The following PCDH9 variants were observed in gnomAD, a reference collection of about 807,000 sequenced individuals.
The protein encoded by PCDH9 is protocadherin-9.
PCDH9 carries 24 observed loss-of-function variants against 70.6 expected under a neutral mutation model. The observed-to-expected ratio is 0.34, with a 90% confidence interval of 0.25 to 0.48. The LOEUF (loss-of-function observed/expected upper bound fraction) is 0.48, where lower values mean the gene tolerates loss of function less well. Among genes scored for constraint, PCDH9 ranks in the 20% least tolerant of loss-of-function variants. The pLI, the probability that PCDH9 is intolerant of heterozygous loss-of-function variation, is 0.99. For missense variants in PCDH9, 1,281 were observed against 1,503.6 expected, an observed-to-expected ratio of 0.85 and a Z score of 2.45; for synonymous variants, 562 against 558.5, an observed-to-expected ratio of 1.01 and a Z score of -0.09.
chr13:66,637,544 A>T (rs2077654383), intron 3 of PCDH9, among the ~76,000 whole-genome samples: 1 of 152,168 alleles, frequency 6.6e-6, no homozygotes, highest in Non-Finnish European at 1.5e-5. Context: ...TATGCTGTTT[A>T]TTGGAAGTAC....
At chr13:67,058,836 C>A (rs1217403722) in intron 2 of PCDH9, among the ~76,000 whole-genome samples, 2 of 152,086 alleles carry the variant, frequency 1.3e-5, no homozygotes, top group African/African-American at 4.8e-5. Flanking sequence ...AGCTAGACTG[C>A]AAATATATGC....
chr13:67,163,195 G>A (rs909994013), intron 2 of PCDH9, among the ~76,000 whole-genome samples: 9 of 152,006 alleles, frequency 5.9e-5, no homozygotes, highest in African/African-American at 1.2e-4. Flanking sequence ...ACCCAGCCCC[G>A]AAAAATAAAA....
chr13:66,723,685 G>T (rs922621063), intron 3 of PCDH9, among the ~76,000 whole-genome samples: 2 of 152,266 alleles, frequency 1.3e-5, no homozygotes, highest in Admixed American at 1.3e-4. Context: ...GAGGGTAAAA[G>T]AGGTTGGGTA....
At chr13:67,200,654 C>T (rs2089186973) in intron 2 of PCDH9, among the ~76,000 whole-genome samples, 1 of 152,052 alleles carries the variant, frequency 6.6e-6, no homozygotes, top group Non-Finnish European at 1.5e-5. Context: ...AACAGACCTG[C>T]ATATATTTTC....
At chr13:66,895,270 T>C (rs2082158600) in intron 3 of PCDH9, among the ~76,000 whole-genome samples, 1 of 152,212 alleles carries the variant, frequency 6.6e-6, no homozygotes, top group Admixed American at 6.5e-5. Context: ...CCAGTTTATG[T>C]GGATAGTAGT....
At chr13:66,434,647 C>T (rs1957835276) in intron 4 of PCDH9, among the ~76,000 whole-genome samples, 1 of 151,658 alleles carries the variant, frequency 6.6e-6, no homozygotes, top group African/African-American at 2.4e-5. Flanking sequence ...TTTTTTAATC[C>T]TATGGACTTA....
chr13:66,695,145 C>G (rs773277999), intron 3 of PCDH9, among the ~76,000 whole-genome samples: 38 of 152,270 alleles, frequency 2.5e-4, no homozygotes, highest in East Asian at 3.9e-4. Flanking sequence ...CCTCGTGATC[C>G]TCCCGCCTCA....
chr13:66,540,689 G>A (rs1960916967), intron 4 of PCDH9, among the ~76,000 whole-genome samples: 1 of 152,144 alleles, frequency 6.6e-6, no homozygotes, highest in African/African-American at 2.4e-5. Flanking sequence ...CAAGTAACTG[G>A]TTGACCCCCT....
At chr13:66,701,530 A>C (rs2078648384) in intron 3 of PCDH9, among the ~76,000 whole-genome samples, 1 of 152,178 alleles carries the variant, frequency 6.6e-6, no homozygotes, top group Non-Finnish European at 1.5e-5. Flanking sequence ...AAGTTAAAGA[A>C]ACATTAAATT....
intron 3 of PCDH9, among the ~76,000 whole-genome samples, chr13:66,789,789 A>G (rs1305548559): frequency 6.6e-6 from 1 of 152,120 alleles, no homozygotes; most frequent in African/African-American, 2.4e-5. Flanking sequence ...GCTCCATAAG[A>G]ATAGAATTTT....
rs529741310 is a variant in PCDH9, at chr13:66,654,681, G to A, written c.3139-23270C>T. On this transcript the variant is annotated intron_variant, in intron 3 of 4. Transcript: ENST00000377865. ...TGACATATAGAAAAAAAGACAAACA[G>A]ATATACTTGTTGTTTGTTGTTGTCT... is the stretch of plus-strand genomic sequence containing the variant. Among the ~76,000 whole-genome samples, 9 of 152,090 alleles carry A rather than the reference G, an allele frequency of 5.9e-5. 1 individual carries two copies. The South Asian group carries it at 1.9e-3, about 32-fold the overall frequency.
At chr13:66,428,309 G>T (rs550369413) in intron 4 of PCDH9, among the ~76,000 whole-genome samples, 2 of 151,624 alleles carry the variant, frequency 1.3e-5, no homozygotes, top group Admixed American at 1.3e-4. Context: ...ACTATGTTGG[G>T]TTTATTAATA....
At chr13:67,201,851 TGTAA>T (rs1298435678) in intron 2 of PCDH9, 7 of 152,058 alleles carry the variant, frequency 4.6e-5, no homozygotes, top group African/African-American at 1.4e-4. Flanking sequence ...TATACTGTAC[TGTAA>T]GTGTTACCTA....
At chr13:66,320,236 A>G (rs1955729355) in intron 4 of PCDH9, among the ~76,000 whole-genome samples, 1 of 152,096 alleles carries the variant, frequency 6.6e-6, no homozygotes, top group Non-Finnish European at 1.5e-5. Flanking sequence ...TGGATTTATA[A>G]TCGCAGTCTC....
At chr13:66,478,445 G>T (rs1402079132) in intron 4 of PCDH9, among the ~76,000 whole-genome samples, 2 of 152,200 alleles carry the variant, frequency 1.3e-5, no homozygotes, top group Non-Finnish European at 2.9e-5. Context: ...CATGTTGAAG[G>T]CTGAGGCAGG....
chr13:67,176,634 A>C (rs9571728), intron 2 of PCDH9, among the ~76,000 whole-genome samples: 18,536 of 152,074 alleles, frequency 0.12, 1,353 homozygotes, highest in East Asian at 0.22. Flanking sequence ...TTTTAGACAA[A>C]GTGAAAATGA....
intron 4 of PCDH9, among the ~76,000 whole-genome samples, chr13:66,526,507 ATCTCTCTCTCTC>A (rs67724900): frequency 2.0e-5 from 3 of 149,116 alleles, no homozygotes; most frequent in East Asian, 2.0e-4. Context: ...ATGCTTTGAA[ATCTCTCTCTCTC>A]TCTCTCTCTC....
intron 4 of PCDH9, among the ~76,000 whole-genome samples, chr13:66,553,555 T>A (rs181397152): frequency 6.6e-6 from 1 of 152,144 alleles, no homozygotes; most frequent in South Asian, 2.1e-4. Context: ...ATTGGAGAGT[T>A]GGTTATGATT....
chr13:66,909,522 C>G (rs1566285114), intron 2 of PCDH9, among the ~76,000 whole-genome samples: 1 of 152,072 alleles, frequency 6.6e-6, no homozygotes, highest in Non-Finnish European at 1.5e-5. Flanking sequence ...GTAATCCCAG[C>G]ACTTTGGGAG....
Sources: gnomAD v4.1 joint callset for allele counts (sites outside exome capture counted in the v4.1 genomes callset) on GRCh38, gnomAD v4.1.1 for gene constraint, MANE v1.5 for transcripts, NCBI Gene and HGNC (gene_info 2026-07-23, HGNC 2026-07-21) for gene names.